The following SGCZ variants were observed in gnomAD, a reference collection of about 807,000 sequenced individuals.
The protein encoded by SGCZ is sarcoglycan zeta.
SGCZ carries 40 observed loss-of-function variants against 41.3 expected under a neutral mutation model. The observed-to-expected ratio is 0.97, with a 90% confidence interval of 0.75 to 1.26. SGCZ has a LOEUF of 1.26. Ranked by LOEUF, SGCZ falls within the 50% of genes most tolerant of loss-of-function variation. SGCZ has a pLI of 0.00. For synonymous variants in SGCZ, 206 were observed against 137.5 expected (o/e 1.50, Z -3.49); for missense variants, 552 against 369.8 (o/e 1.49, Z -4.04).
chr8:15,156,650 A>G (rs1473094153), intron 1 of SGCZ, among the ~76,000 whole-genome samples: 7 of 152,228 alleles, frequency 4.6e-5, no homozygotes, highest in Admixed American at 6.5e-5. Flanking sequence ...CAATGTAAAG[A>G]AAGCACTTCT....
intron 2 of SGCZ, among the ~76,000 whole-genome samples, chr8:14,394,222 C>A (rs887780903): frequency 6.8e-6 from 1 of 146,640 alleles, no homozygotes; most frequent in African/African-American, 2.5e-5. Flanking sequence ...ATGATCTCGG[C>A]TCACTGCAAC....
chr8:14,916,707 A>C (rs1266483788), intron 1 of SGCZ, among the ~76,000 whole-genome samples: 1 of 152,212 alleles, frequency 6.6e-6, no homozygotes, highest in East Asian at 1.9e-4. Context: ...CAATCTAGAC[A>C]CGAGTAAAGT....
chr8:15,039,097 C>G (rs963480466), intron 1 of SGCZ, among the ~76,000 whole-genome samples: 1 of 152,020 alleles, frequency 6.6e-6, no homozygotes, highest in Non-Finnish European at 1.5e-5. Flanking sequence ...AAAAATAGAA[C>G]TGCCATATGA....
intron 1 of SGCZ, among the ~76,000 whole-genome samples, chr8:15,181,022 T>G (rs1166461339): frequency 6.6e-6 from 1 of 152,188 alleles, no homozygotes; most frequent in Non-Finnish European, 1.5e-5. Flanking sequence ...TACAAACTAT[T>G]GCCATCTTTC....
At chr8:14,985,709 G>A (rs1469646981) in intron 1 of SGCZ, among the ~76,000 whole-genome samples, 1 of 152,142 alleles carries the variant, frequency 6.6e-6, no homozygotes, top group Non-Finnish European at 1.5e-5. Context: ...AGTCCATTTA[G>A]GACATCAGAA....
chr8:14,440,852 T>TACATAC (rs1800239031), intron 2 of SGCZ, among the ~76,000 whole-genome samples: 1 of 130,370 alleles, frequency 7.7e-6, no homozygotes, highest in Non-Finnish European at 1.7e-5. Flanking sequence ...TACATATATG[T>TACATAC]ACACACACAC....
chr8:14,342,983 C>T (rs1012100991), intron 2 of SGCZ, among the ~76,000 whole-genome samples: 8 of 152,098 alleles, frequency 5.3e-5, no homozygotes, highest in African/African-American at 7.2e-5. Flanking sequence ...GCCCTGTGTC[C>T]CAGCCACTCC....
chr8:14,415,103 T>C (rs1563314341), intron 2 of SGCZ, among the ~76,000 whole-genome samples: 1 of 151,954 alleles, frequency 6.6e-6, no homozygotes, highest in Non-Finnish European at 1.5e-5. Flanking sequence ...GAAGTAAAAC[T>C]GTTCTGTAAT....
chr8:14,142,324 TAAAA>T (rs957800760), intron 5 of SGCZ, among the ~76,000 whole-genome samples: 1 of 151,448 alleles, frequency 6.6e-6, no homozygotes, highest in Non-Finnish European at 1.5e-5. Context: ...AATAAAAATT[TAAAA>T]AAAAAGAAAT....
In SGCZ at chr8:14,316,737, T is replaced by C. The variant is rs1420487527; in HGVS notation, c.336+7366A>G. 6.6e-5 allele frequency among the ~76,000 whole-genome samples: 10 copies of C among 151,782 alleles called. No homozygotes were observed. The Admixed American group carries it at 6.6e-4, about 10-fold the overall frequency. On this transcript the variant is annotated intron_variant, in intron 3 of 7. Transcript: ENST00000382080. ...TCTTCAATATTAGAGTGCCCAACGA[T>C]TCATTCCACGGAAATCTTATAATTC...
intron 1 of SGCZ, among the ~76,000 whole-genome samples, chr8:14,747,577 T>C (rs1442448095): frequency 2.0e-5 from 3 of 152,044 alleles, no homozygotes; most frequent in Non-Finnish European, 2.9e-5. Flanking sequence ...GTATTAATAA[T>C]TTGTTATAAT....
intron 1 of SGCZ, among the ~76,000 whole-genome samples, chr8:14,593,260 T>G (rs1040771631): frequency 6.6e-6 from 1 of 152,116 alleles, no homozygotes; most frequent in Non-Finnish European, 1.5e-5. Flanking sequence ...TAGCAGCAGA[T>G]AGACAATGAT....
At chr8:14,504,088 C>T (rs1802234056) in intron 2 of SGCZ, among the ~76,000 whole-genome samples, 1 of 151,802 alleles carries the variant, frequency 6.6e-6, no homozygotes, top group South Asian at 2.1e-4. Context: ...GTTTATTTTT[C>T]TTTTTTGTCT....
intron 5 of SGCZ, among the ~76,000 whole-genome samples, chr8:14,116,349 T>G (rs1159533185): frequency 6.6e-6 from 1 of 152,130 alleles, no homozygotes; most frequent in Non-Finnish European, 1.5e-5. Context: ...AATTTCCTTC[T>G]TACCTCAAGA....
chr8:14,194,016 G>A (rs1805188617), intron 4 of SGCZ, among the ~76,000 whole-genome samples: 1 of 151,410 alleles, frequency 6.6e-6, no homozygotes, highest in Admixed American at 6.6e-5. Flanking sequence ...CAGCATGATG[G>A]GACAATAGTT....
chr8:14,795,566 C>G (rs1254094696), intron 1 of SGCZ, among the ~76,000 whole-genome samples: 1 of 152,108 alleles, frequency 6.6e-6, no homozygotes, highest in Non-Finnish European at 1.5e-5. Flanking sequence ...CCTCAGCCTC[C>G]CATGTAACTA....
intron 1 of SGCZ, among the ~76,000 whole-genome samples, chr8:14,929,060 C>T (rs1261991357): frequency 3.9e-5 from 6 of 152,026 alleles, no homozygotes; most frequent in Admixed American, 2.0e-4. Context: ...GGCATGATCT[C>T]GGCTCACTGC....
At chr8:14,119,026 G>T (rs561725181) in intron 5 of SGCZ, among the ~76,000 whole-genome samples, 33 of 152,228 alleles carry the variant, frequency 2.2e-4, no homozygotes, top group Non-Finnish European at 3.7e-4. Flanking sequence ...TTTTACTTAG[G>T]ATTGTCTTGG....
intron 1 of SGCZ, among the ~76,000 whole-genome samples, chr8:14,895,078 GT>G (rs1805144734): frequency 6.6e-6 from 1 of 152,094 alleles, no homozygotes; most frequent in African/African-American, 2.4e-5. Flanking sequence ...TATAATTTTG[GT>G]TTCAGTTGAA....
Sources: gnomAD v4.1 joint callset for allele counts (sites outside exome capture counted in the v4.1 genomes callset) on GRCh38, gnomAD v4.1.1 for gene constraint, MANE v1.5 for transcripts, NCBI Gene and HGNC (gene_info 2026-07-23, HGNC 2026-07-21) for gene names.